Variants in DNAI2 observed in about 807,000 individuals in gnomAD.
The protein encoded by DNAI2 is dynein axonemal intermediate chain 2.
In DNAI2, 63 loss-of-function variants were observed where a neutral mutation model predicts 74.7. That is an observed-to-expected ratio of 0.84 (90% confidence interval 0.69 to 1.04). The LOEUF (loss-of-function observed/expected upper bound fraction) is 1.04. Among genes scored for constraint, DNAI2 ranks in the 50% least tolerant of loss-of-function variants. The pLI is 0.00. For missense variants in DNAI2, 688 were observed against 803.2 expected, an observed-to-expected ratio of 0.86 and a Z score of 1.73; for synonymous variants, 289 against 314.9, an observed-to-expected ratio of 0.92 and a Z score of 0.87.
chr17:74,275,474 C>T (rs1005311705), intron 1 of DNAI2, among the ~76,000 whole-genome samples: 4 of 152,142 alleles, frequency 2.6e-5, no homozygotes, highest in Non-Finnish European at 5.9e-5. Context: ...CCTGTAATCC[C>T]AGTGCTTTGA....
At chr17:74,277,067 A>G (rs2143837813) in intron 1 of DNAI2, among the ~76,000 whole-genome samples, 1 of 152,280 alleles carries the variant, frequency 6.6e-6, no homozygotes, top group Middle Eastern at 3.4e-3. Context: ...CCACCCAGGA[A>G]AGAGAATTTC....
intron 1 of DNAI2, among the ~76,000 whole-genome samples, chr17:74,277,349 C>A (rs2051141688): frequency 6.8e-6 from 1 of 146,630 alleles, no homozygotes; most frequent in South Asian, 2.1e-4. Flanking sequence ...CTTGCCACTG[C>A]ACTCCAGCCT....
chr17:74,286,297 A>ATAAT (rs1555608298), intron 3 of DNAI2, among the ~76,000 whole-genome samples: 1 of 140,682 alleles, frequency 7.1e-6, no homozygotes, highest in Admixed American at 7.3e-5. Flanking sequence ...CTGTGTCTCA[A>ATAAT]AATAATAATA....
In DNAI2 at chr17:74,291,059, C is replaced by T; in HGVS notation, c.650C>T (p.Ser217Phe). ...NKPELALKPSSPLVTLEFNPK... is the reference protein window; with the variant it reads ...NKPELALKPSFPLVTLEFNPK... ...CCTGAACTTGCTCTGAAGCCATCGT[C>T]TCCACTCGTGACGTTGGAGTTCAAC... The change falls in exon 6 of 14, where the codon TCT becomes TTT. Residue 217 changes from serine (S) to phenylalanine (F), a missense_variant. Physicochemically the swap from Ser to Phe is radical, Grantham distance 155. Coordinates refer to ENST00000311014, the MANE Select transcript of DNAI2 (RefSeq NM_023036.6). The T allele has an allele frequency of 6.2e-7, 1 of 1,614,224 alleles. No individual in the cohort carries two copies.
At chr17:74,296,000 G>A (rs1461343454) in intron 6 of DNAI2, among the ~76,000 whole-genome samples, 1 of 152,124 alleles carries the variant, frequency 6.6e-6, no homozygotes, top group Non-Finnish European at 1.5e-5. Context: ...GCAGAGATGA[G>A]GTCAGCCAGA....
chr17:74,296,536 T>G (rs919649311), intron 6 of DNAI2, among the ~76,000 whole-genome samples: 4 of 152,182 alleles, frequency 2.6e-5, no homozygotes, highest in African/African-American at 9.7e-5. Context: ...CCTTTTAAGC[T>G]TTTCGGTAGG....
At position 74,281,913 on chromosome 17, in the gene DNAI2, G is replaced by T. The variant is rs1356453042; in HGVS notation, c.96G>T (p.Met32Ile). 6.2e-7 allele frequency: 1 copy of T among 1,614,058 alleles called. No individual in the cohort carries two copies. The highest frequency in any genetic ancestry group is 8.5e-7 in the Non-Finnish European group (1 of 1,180,042). ...DRQAELNIDI[M>I]PNPELAEQFV... ...AGGCCGAGCTGAACATCGACATCAT[G>T]CCCAACCCTGAGCTGGCCGAGCAGT... Residue 32 changes from methionine (M) to isoleucine (I), a missense_variant, in exon 2 of 14, where the codon ATG becomes ATT. Coordinates refer to ENST00000311014, the MANE Select transcript of DNAI2 (RefSeq NM_023036.6).
intron 10 of DNAI2, 159 bp from the exon 11 acceptor site, chr17:74,309,858 C>T: frequency 2.2e-6 from 2 of 924,818 alleles, no homozygotes; most frequent in Admixed American, 2.0e-5. Flanking sequence ...GGAGCCTTGA[C>T]AACCAGTCTC....
intron 1 of DNAI2, among the ~76,000 whole-genome samples, chr17:74,275,590 A>G (rs1442971124): frequency 6.6e-6 from 1 of 152,098 alleles, no homozygotes; most frequent in Non-Finnish European, 1.5e-5. Flanking sequence ...GGCCGGGTGC[A>G]GTGGCTCACG....
At position 74,314,249 on chromosome 17, in the gene DNAI2, G is replaced by A; in HGVS notation, c.*33G>A. 1 of 1,613,340 alleles carries A rather than the reference G, an allele frequency of 6.2e-7. No homozygotes were observed. The highest frequency in any genetic ancestry group is 8.5e-7 in the Non-Finnish European group (1 of 1,179,502). On this transcript the variant is annotated 3_prime_UTR_variant, in exon 13 of 14. Coordinates refer to ENST00000311014, the MANE Select transcript of DNAI2 (RefSeq NM_023036.6). Reference sequence around the variant, plus strand: ...CCTTCGACTGCGGCGCTATCCCTGTGTGCCTTCCTTTCCCACCTCTTGGTA... The same window carrying A: ...CCTTCGACTGCGGCGCTATCCCTGTATGCCTTCCTTTCCCACCTCTTGGTA...
Position 74,305,237 on chromosome 17 carries a change from G to C in DNAI2, c.1006G>C (p.Gly336Arg), listed in dbSNP as rs1200498392. Residue 336 changes from glycine to arginine, a missense_variant, in exon 9 of 14, where the codon GGG becomes CGG. Physicochemically the swap from Gly to Arg is moderately radical, Grantham distance 125. Transcript: ENST00000311014. ...TCCACAGCCCACCAAGTTCATGGTGGGGACCGAGCAGGGCATCGTCATCTC... is the reference window on the plus strand; with the variant it reads ...TCCACAGCCCACCAAGTTCATGGTGCGGACCGAGCAGGGCATCGTCATCTC... ...ESTLPTKFMV[G>R]TEQGIVISCN... is the part of the protein sequence containing the mutation. The C allele has an allele frequency of 6.2e-7, 1 of 1,614,162 alleles. No individual in the cohort carries two copies. Among genetic ancestry groups the C allele is most frequent in the South Asian group, 1.1e-5 (1 of 91,080 alleles).
rs186612640 is a variant in DNAI2, at chr17:74,300,422, C to G, written c.864+565C>G. On this transcript the variant is annotated intron_variant, in intron 7 of 13. Transcript: ENST00000311014. This position sits in a 1 kb window ranked among gnomAD's most constrained non-coding sequence, Gnocchi z 4.5. ...CGTATGCAAGGAAACACACCTCTCT[C>G]TTCTTTACTCTTTCTTTTTGCACAC... Among the ~76,000 whole-genome samples the G allele has an allele frequency of 6.6e-6, 1 of 152,180 alleles. No homozygotes were observed. The highest frequency in any genetic ancestry group is 2.4e-5 in the African/African-American group (1 of 41,454).
At chr17:74,278,832 A>G (rs892462004) in intron 1 of DNAI2, among the ~76,000 whole-genome samples, 13 of 152,220 alleles carry the variant, frequency 8.5e-5, no homozygotes, top group African/African-American at 2.9e-4. Context: ...TGATAGGACA[A>G]CAAGGTGACA....
intron 1 of DNAI2, among the ~76,000 whole-genome samples, chr17:74,275,726 C>CA (rs545275994): frequency 0.028 from 3,584 of 129,674 alleles, 125 homozygotes; most frequent in African/African-American, 0.089. Context: ...GACTCCGTCT[C>CA]AAAAAAAAAA....
intron 6 of DNAI2, 81 bp from the exon 7 acceptor site, chr17:74,299,636 GC>G: frequency 6.3e-7 from 1 of 1,582,240 alleles, no homozygotes; most frequent in African/African-American, 1.3e-5. Context: ...AGAAGCAGCA[GC>G]CCCCTCTCTC....
chr17:74,296,817 A>G (rs2052472992), intron 6 of DNAI2, among the ~76,000 whole-genome samples: 1 of 152,162 alleles, frequency 6.6e-6, no homozygotes, highest in Admixed American at 6.5e-5. Context: ...AGGAGTGCAG[A>G]ATGTGAATTT....
At chr17:74,285,980 G>T (rs535882161) in intron 3 of DNAI2, among the ~76,000 whole-genome samples, 1,826 of 148,412 alleles carry the variant, frequency 0.012, 39 homozygotes, top group African/African-American at 0.04. Context: ...TAGAGAGAGA[G>T]AGAGAGAGAG....
At position 74,312,122 on chromosome 17, in the gene DNAI2, C is replaced by T. The variant is rs376265471; in HGVS notation, c.1614C>T (p.Ala538=). The T allele has an allele frequency of 6.8e-6, 11 of 1,613,608 alleles. No individual in the cohort carries two copies. The highest frequency in any genetic ancestry group is 1.7e-5 in the Admixed American group (1 of 59,984). The stretch of plus-strand genomic sequence containing the variant: ...AGGAGCAGACCGATGAGGAGCTGGC[C>T]GTAGACCTGGAGGCGCTGGTCAGCA... ...RDEEQTDEEL[A]VDLEALVSKA... is the part of the protein sequence containing the mutation. The change falls in exon 12 of 14, where the codon GCC becomes GCT. Residue 538 remains alanine (A), a synonymous_variant. Transcript: ENST00000311014.
chr17:74,290,872 G>T, intron 5 of DNAI2, 148 bp from the exon 6 acceptor site: 1 of 778,130 alleles, frequency 1.3e-6, no homozygotes, highest in Non-Finnish European at 2.3e-6. Context: ...TGGACCAGGG[G>T]GTGCAGGCTG....
Sources: allele counts gnomAD v4.1 joint callset (sites outside exome capture counted in the v4.1 genomes callset), GRCh38; gene constraint gnomAD v4.1.1; non-coding constraint Gnocchi (gnomAD v3.1); transcripts MANE v1.5; gene names NCBI Gene and HGNC (gene_info 2026-07-23, HGNC 2026-07-21).